The following KHDRBS2 variants were observed in gnomAD, a reference collection of about 807,000 sequenced individuals.
KHDRBS2 encodes KH RNA binding domain containing, signal transduction associated 2.
In KHDRBS2, 26 loss-of-function variants were observed where a neutral mutation model predicts 44.3. The ratio of observed to expected loss-of-function variants is 0.59; its 90% CI spans 0.43 to 0.81. KHDRBS2 has a LOEUF of 0.81. Among genes scored for constraint, KHDRBS2 ranks in the 40% least tolerant of loss-of-function variants. KHDRBS2 has a pLI of 0.00. For synonymous variants in KHDRBS2, 194 were observed against 151.1 expected, an observed-to-expected ratio of 1.28 and a Z score of -2.08; for missense variants, 476 against 433.1, an observed-to-expected ratio of 1.10 and a Z score of -0.88.
chr6:61,892,388 T>C (rs568075098), intron 6 of KHDRBS2, among the ~76,000 whole-genome samples: 215 of 152,254 alleles, frequency 1.4e-3, no homozygotes, highest in African/African-American at 4.9e-3. Flanking sequence ...ATTCACAGAA[T>C]TGGAAAAAAC....
intron 3 of KHDRBS2, among the ~76,000 whole-genome samples, chr6:62,024,044 A>T (rs1000308239): frequency 6.6e-6 from 1 of 150,812 alleles, no homozygotes; most frequent in Non-Finnish European, 1.5e-5. Context: ...ATCCCAATAT[A>T]AAAAAAAGTT....
At chr6:61,691,595 G>A (rs1454673650) in intron 8 of KHDRBS2, among the ~76,000 whole-genome samples, 1 of 151,824 alleles carries the variant, frequency 6.6e-6, no homozygotes, top group Non-Finnish European at 1.5e-5. Context: ...ATTTTTAAAT[G>A]ACTGATAAAT....
intron 2 of KHDRBS2, among the ~76,000 whole-genome samples, chr6:62,083,607 A>T (rs1254349078): frequency 6.6e-6 from 1 of 152,096 alleles, no homozygotes; most frequent in Non-Finnish European, 1.5e-5. Flanking sequence ...GCCCACATGG[A>T]GTTCTGCTCC....
intron 3 of KHDRBS2, among the ~76,000 whole-genome samples, chr6:61,984,204 G>A (rs1469884060): frequency 7.9e-5 from 12 of 152,034 alleles, no homozygotes; most frequent in African/African-American, 2.9e-4. Context: ...TCAACATCAA[G>A]AACTCTTCTC....
chr6:62,187,266 G>T (rs898624807), intron 1 of KHDRBS2, among the ~76,000 whole-genome samples: 1 of 152,060 alleles, frequency 6.6e-6, no homozygotes, highest in Non-Finnish European at 1.5e-5. Flanking sequence ...CAATTGTACA[G>T]CAAGGAAAGT....
chr6:62,108,798 GA>G (rs1804220081), intron 2 of KHDRBS2, among the ~76,000 whole-genome samples: 2 of 152,104 alleles, frequency 1.3e-5, no homozygotes, highest in Admixed American at 6.6e-5. Flanking sequence ...CCTTTGTAGG[GA>G]CATGGATGAA....
the KHDRBS2 span, among the ~76,000 whole-genome samples, chr6:61,622,332 T>C: frequency 1.3e-5 from 2 of 152,180 alleles, no homozygotes; most frequent in Non-Finnish European, 2.9e-5. Context: ...CCTTTTTGGC[T>C]ATTGGGTCAA....
chr6:61,815,581 T>A (rs1788786651), intron 6 of KHDRBS2, among the ~76,000 whole-genome samples: 1 of 152,138 alleles, frequency 6.6e-6, no homozygotes, highest in South Asian at 2.1e-4. Context: ...ATCTCTAGGA[T>A]CAATGGCAAT....
At chr6:62,278,249 T>A (rs954792133) in intron 1 of KHDRBS2, among the ~76,000 whole-genome samples, 1 of 152,184 alleles carries the variant, frequency 6.6e-6, no homozygotes, top group Non-Finnish European at 1.5e-5. Context: ...AGTGCTCAAA[T>A]AAGTGCAAAA....
At chr6:62,020,262 A>T (rs1450615704) in intron 3 of KHDRBS2, among the ~76,000 whole-genome samples, 1 of 152,000 alleles carries the variant, frequency 6.6e-6, no homozygotes, top group Non-Finnish European at 1.5e-5. Flanking sequence ...TTCCAGAGGT[A>T]ACATATTTAT....
At chr6:61,729,980 A>C (rs1302387244) in intron 7 of KHDRBS2, among the ~76,000 whole-genome samples, 2 of 152,208 alleles carry the variant, frequency 1.3e-5, no homozygotes, top group African/African-American at 4.8e-5. Flanking sequence ...AATAATCTAA[A>C]GGCAAGCATT....
intron 4 of KHDRBS2, among the ~76,000 whole-genome samples, chr6:61,909,370 CAT>C (rs1286397564): frequency 1.3e-5 from 2 of 152,010 alleles, no homozygotes; most frequent in Non-Finnish European, 2.9e-5. Context: ...TGCCTGGCCT[CAT>C]AGATATTTTT....
At chr6:61,802,799 C>T (rs933084507) in intron 6 of KHDRBS2, among the ~76,000 whole-genome samples, 8 of 152,108 alleles carry the variant, frequency 5.3e-5, no homozygotes, top group South Asian at 2.1e-4. Context: ...ATCTACTTGT[C>T]GGCAAATCTC....
intron 2 of KHDRBS2, among the ~76,000 whole-genome samples, chr6:62,147,713 T>A (rs1300473559): frequency 1.3e-5 from 2 of 152,026 alleles, no homozygotes; most frequent in Non-Finnish European, 2.9e-5. Flanking sequence ...AATGTAATCA[T>A]TAAACCACTT....
rs200474893 is a variant in KHDRBS2, at chr6:61,993,673, ATTTT to A, written c.337-15465_337-15462del. Among the ~76,000 whole-genome samples, 23 of 115,658 alleles carry A rather than the reference ATTTT, an allele frequency of 2.0e-4. 2 individuals carry two copies. Among genetic ancestry groups the A allele is most frequent in the African/African-American group, 2.9e-4 (9 of 30,962 alleles). 75.9% of individuals were successfully genotyped at this position (115,658 alleles called of 152,430 possible). On this transcript the variant is annotated intron_variant, in intron 3 of 8. Transcript: ENST00000281156. Reference sequence around the variant, plus strand: ...ATCATATATATATATATATATATATATTTTTTTTTTTTGATGTGAGCTTATATAT... The same window carrying A: ...ATCATATATATATATATATATATATATTTTTTTTGATGTGAGCTTATATAT...
chr6:61,555,713 C>T, the KHDRBS2 span, among the ~76,000 whole-genome samples: 4 of 152,058 alleles, frequency 2.6e-5, no homozygotes, highest in Non-Finnish European at 4.4e-5. Flanking sequence ...TCTTTGATGC[C>T]CTTAGGGGTT....
intron 3 of KHDRBS2, among the ~76,000 whole-genome samples, chr6:62,038,417 A>G (rs1785769734): frequency 6.6e-6 from 1 of 151,978 alleles, no homozygotes; most frequent in Non-Finnish European, 1.5e-5. Context: ...AATGATTGTG[A>G]AGAGCCCAAA....
the KHDRBS2 span, among the ~76,000 whole-genome samples, chr6:61,543,201 G>T: frequency 1.3e-4 from 19 of 151,882 alleles, no homozygotes; most frequent in African/African-American, 4.1e-4. Flanking sequence ...GAAAATATTT[G>T]CAAACTATCC....
At chr6:61,570,013 A>T in the KHDRBS2 span, among the ~76,000 whole-genome samples, 1 of 152,184 alleles carries the variant, frequency 6.6e-6, no homozygotes, top group Admixed American at 6.6e-5. Flanking sequence ...ATGACAAAAC[A>T]GGGTTTTATA....
Sources: gnomAD v4.1 joint callset for allele counts (sites outside exome capture counted in the v4.1 genomes callset) on GRCh38, gnomAD v4.1.1 for gene constraint, MANE v1.5 for transcripts, NCBI Gene and HGNC (gene_info 2026-07-23, HGNC 2026-07-21) for gene names.